Variants in TBCE observed in about 807,000 individuals in gnomAD.
TBCE encodes the protein tubulin-specific chaperone E.
Under a neutral mutation model 77.0 loss-of-function variants are expected in TBCE, and 53 were observed. That is an observed-to-expected ratio of 0.69 (90% CI 0.55 to 0.87). The LOEUF (loss-of-function observed/expected upper bound fraction) is 0.87. Among genes scored for constraint, TBCE ranks in the 40% least tolerant of loss-of-function variants. The pLI is 0.00. For missense variants in TBCE, 624 were observed against 622.4 expected, an observed-to-expected ratio of 1.00 and a Z score of -0.03; for synonymous variants, 235 against 241.3, an observed-to-expected ratio of 0.97 and a Z score of 0.24.
chr1:235,400,408 C>CTTTTTTTTTTTTTTTTTTT lies in TBCE; in HGVS notation c.101-1085_101-1084insTTTTTTTTTTTTTTTTTTT, dbSNP rs71174425. Reference sequence around the variant, plus strand: ...ATTGAAGGAAAAAATTATTTTTCCTCTTTTTTTTTTGAGATGGAGTCTCGC... The same window carrying CTTTTTTTTTTTTTTTTTTT: ...ATTGAAGGAAAAAATTATTTTTCCTCTTTTTTTTTTTTTTTTTTTTTTTTTTTTTGAGATGGAGTCTCGC... On this transcript the variant is annotated intron_variant, in intron 2 of 16. Transcript: ENST00000642610. 4.0e-3 allele frequency among the ~76,000 whole-genome samples: 423 copies of CTTTTTTTTTTTTTTTTTTT among 105,954 alleles called. 32 individuals are homozygous for CTTTTTTTTTTTTTTTTTTT. Among genetic ancestry groups the CTTTTTTTTTTTTTTTTTTT allele is most frequent in the African/African-American group, 4.7e-3 (110 of 23,454 alleles). 69.5% of individuals were successfully genotyped at this position (105,954 alleles called of 152,430 possible). A position where few individuals can be genotyped will look rare whatever the true frequency, so the allele number is the denominator to read the frequency against.
intron 1 of TBCE, among the ~76,000 whole-genome samples, chr1:235,369,659 T>TAAAA (rs55928332): frequency 2.2e-4 from 33 of 151,474 alleles, no homozygotes; most frequent in African/African-American, 7.8e-4. Flanking sequence ...CCGTCTCTAC[T>TAAAA]AAAAAAAAAC....
At chr1:235,435,866 C>A (rs775121475) in intron 9 of TBCE, 26 bp downstream of exon 9, 13 of 1,575,696 alleles carry the variant, frequency 8.3e-6, no homozygotes, top group Non-Finnish European at 9.6e-6. Flanking sequence ...ATGCCTGATA[C>A]AATAGTGTTC....
At position 235,438,894 on chromosome 1, in the gene TBCE, C is replaced by T. The variant is rs1378247397; in HGVS notation, c.1242C>T (p.Ala414=). 3 of 1,614,030 alleles carry T rather than the reference C, an allele frequency of 1.9e-6. No homozygotes were observed. In the African/African-American group the frequency reaches 4.0e-5, roughly 22 times the overall value. ...GACTCAGCGAAGAATTCCTCACAGC[C>T]CATCCCAGATACCAGTTCCTCTGCC... is the stretch of plus-strand genomic sequence containing the variant. The part of the protein sequence containing the change: ...KNRLSEEFLT[A]HPRYQFLCLK... The change falls in exon 13 of 17, where the codon GCC becomes GCT. Residue 414 remains alanine, a synonymous_variant. Coordinates refer to ENST00000642610, the MANE Select transcript of TBCE (RefSeq NM_003193.5).
chr1:235,420,027 G>A (rs1311948999), intron 5 of TBCE, among the ~76,000 whole-genome samples: 1 of 151,746 alleles, frequency 6.6e-6, no homozygotes, highest in African/African-American at 2.4e-5. Flanking sequence ...GGAGGTTGCA[G>A]TGAGCTGAGA....
At chr1:235,381,685 CAAAAAAAAAAAAAA>C (rs574997840) in intron 2 of TBCE, among the ~76,000 whole-genome samples, 19 of 43,208 alleles carry the variant, frequency 4.4e-4, no homozygotes, top group Non-Finnish European at 5.5e-4. Flanking sequence ...ACTCCTTCTC[CAAAAAAAAAAAAAA>C]AAAAAAAAAA....
intron 15 of TBCE, among the ~76,000 whole-genome samples, chr1:235,445,920 C>T (rs1435083933): frequency 1.3e-5 from 2 of 152,142 alleles, no homozygotes; most frequent in Non-Finnish European, 1.5e-5. Context: ...CGTGTGTCAC[C>T]GAGGAGAGTG....
chr1:235,430,636 T>C, intron 6 of TBCE, 69 bp from the exon 7 acceptor site: 1 of 1,122,736 alleles, frequency 8.9e-7, no homozygotes, highest in East Asian at 2.5e-5. Flanking sequence ...AGATTGTTGC[T>C]TTCAACAACT....
intron 3 of TBCE, among the ~76,000 whole-genome samples, chr1:235,413,516 G>C (rs1679930981): frequency 6.6e-6 from 1 of 151,888 alleles, no homozygotes; most frequent in Non-Finnish European, 1.5e-5. Flanking sequence ...AGAAAAATTA[G>C]CCTGGGTGTA....
chr1:235,389,859 C>T (rs377728988), intron 2 of TBCE, among the ~76,000 whole-genome samples: 1 of 152,082 alleles, frequency 6.6e-6, no homozygotes, highest in Non-Finnish European at 1.5e-5. Flanking sequence ...CGTGGTGGCT[C>T]ATGCCTGTAA....
intron 2 of TBCE, among the ~76,000 whole-genome samples, chr1:235,400,825 G>C (rs919578257): frequency 6.6e-6 from 1 of 151,932 alleles, no homozygotes; most frequent in Non-Finnish European, 1.5e-5. Context: ...CTCCCGAGTA[G>C]CTGGGATTAC....
chr1:235,390,748 C>T (rs1236698912), intron 2 of TBCE, among the ~76,000 whole-genome samples: 2 of 122,738 alleles, frequency 1.6e-5, no homozygotes, highest in African/African-American at 6.8e-5. Flanking sequence ...GTGACAAGAG[C>T]GAAACGTCTC....
chr1:235,427,961 C>G (rs553832780), intron 6 of TBCE, among the ~76,000 whole-genome samples: 22 of 151,890 alleles, frequency 1.4e-4, no homozygotes, highest in African/African-American at 5.1e-4. Flanking sequence ...ACCCGGGAGG[C>G]AGAGGTTGCA....
intron 2 of TBCE, among the ~76,000 whole-genome samples, chr1:235,388,581 A>T (rs1337956261): frequency 6.6e-6 from 1 of 151,990 alleles, no homozygotes; most frequent in Non-Finnish European, 1.5e-5. Flanking sequence ...GAGCCACTGC[A>T]CCTGGCTCTA....
chr1:235,441,983 T>A, intron 14 of TBCE, 101 bp downstream of exon 14: 2 of 1,010,256 alleles, frequency 2.0e-6, no homozygotes, highest in Non-Finnish European at 1.5e-6. Flanking sequence ...AGTACCTAAG[T>A]AAATGCCTTG....
At chr1:235,434,054 T>G in intron 7 of TBCE, 150 bp from the exon 8 acceptor site, 1 of 759,100 alleles carries the variant, frequency 1.3e-6, no homozygotes, top group South Asian at 1.4e-5. Flanking sequence ...CCACCACTAT[T>G]CCAGGCCTGA....
intron 15 of TBCE, among the ~76,000 whole-genome samples, chr1:235,444,703 C>T (rs750499529): frequency 1.2e-4 from 19 of 152,178 alleles, no homozygotes; most frequent in African/African-American, 3.9e-4. Flanking sequence ...CCATGCCTGG[C>T]AGGCCAGGAC....
At chr1:235,403,210 T>C (rs945698605) in intron 3 of TBCE, among the ~76,000 whole-genome samples, 1 of 152,032 alleles carries the variant, frequency 6.6e-6, no homozygotes, top group East Asian at 1.9e-4. Context: ...GTGAAAGGAC[T>C]TTTTTCTTTT....
chr1:235,438,506 C>A (rs530084623), intron 12 of TBCE, among the ~76,000 whole-genome samples: 61 of 151,304 alleles, frequency 4.0e-4, no homozygotes, highest in Non-Finnish European at 7.9e-4. Flanking sequence ...TGAGATCATG[C>A]CACTGCACTC....
At chr1:235,447,635 C>G (rs967448467) in intron 15 of TBCE, among the ~76,000 whole-genome samples, 1 of 152,286 alleles carries the variant, frequency 6.6e-6, no homozygotes, top group South Asian at 2.1e-4. Flanking sequence ...CCTCAGGATA[C>G]CTGAGTCCCA....
Sources: allele counts gnomAD v4.1 joint callset (sites outside exome capture counted in the v4.1 genomes callset), GRCh38; gene constraint gnomAD v4.1.1; transcripts MANE v1.5; gene names NCBI Gene and HGNC (gene_info 2026-07-23, HGNC 2026-07-21).